Variants in TECRL observed in about 807,000 individuals in gnomAD.
TECRL encodes trans-2,3-enoyl-CoA reductase-like.
In TECRL, 63 loss-of-function variants were observed where a neutral mutation model predicts 52.8. The observed-to-expected ratio is 1.19, with a 90% CI of 0.97 to 1.47. TECRL has a LOEUF of 1.47. Among genes scored for constraint, TECRL ranks in the 40% most tolerant of loss-of-function variants. The pLI, the probability that TECRL is intolerant of heterozygous loss-of-function variation, is 0.00. For missense variants in TECRL, 482 were observed against 429.6 expected, an observed-to-expected ratio of 1.12 and a Z score of -1.08; for synonymous variants, 164 against 141.9, an observed-to-expected ratio of 1.16 and a Z score of -1.10.
intron 4 of TECRL, among the ~76,000 whole-genome samples, chr4:64,316,358 G>C (rs1345443012): frequency 6.6e-6 from 1 of 151,964 alleles, no homozygotes; most frequent in Non-Finnish European, 1.5e-5. Flanking sequence ...GTTTTAGAAG[G>C]CTTAATATTT....
At chr4:64,334,570 C>A (rs1436542364) in intron 2 of TECRL, among the ~76,000 whole-genome samples, 1 of 152,134 alleles carries the variant, frequency 6.6e-6, no homozygotes, top group African/African-American at 2.4e-5. Flanking sequence ...ATTTTGCTGA[C>A]CTTGAAAAAC....
At chr4:64,374,025 CATATATATATATG>C (rs1722171094) in intron 2 of TECRL, among the ~76,000 whole-genome samples, 1 of 52,042 alleles carries the variant, frequency 1.9e-5, no homozygotes, top group African/African-American at 6.8e-5. Flanking sequence ...ATAGTAGATA[CATATATATATATG>C]TATATAGTAG....
intron 5 of TECRL, among the ~76,000 whole-genome samples, chr4:64,313,531 G>C (rs1717225950): frequency 2.1e-5 from 3 of 141,614 alleles, no homozygotes; most frequent in South Asian, 4.5e-4. Context: ...CCCCAGGCCG[G>C]AGTGCAGTGG....
intron 2 of TECRL, among the ~76,000 whole-genome samples, chr4:64,339,043 A>T (rs941865988): frequency 6.6e-6 from 1 of 152,006 alleles, no homozygotes; most frequent in Non-Finnish European, 1.5e-5. Context: ...CAAATGTCCA[A>T]CAATGATAGA....
intron 2 of TECRL, among the ~76,000 whole-genome samples, chr4:64,362,787 A>G (rs2109621144): frequency 6.6e-6 from 1 of 152,238 alleles, no homozygotes; most frequent in East Asian, 1.9e-4. Flanking sequence ...ACAAGTGTAC[A>G]ATCAAGTGTA....
intron 2 of TECRL, among the ~76,000 whole-genome samples, chr4:64,369,115 A>T (rs919838816): frequency 3.3e-5 from 5 of 152,164 alleles, no homozygotes; most frequent in African/African-American, 7.2e-5. Context: ...CTAATAGATA[A>T]CACGAAAGTC....
chr4:64,350,920 T>A (rs892813805), intron 2 of TECRL, among the ~76,000 whole-genome samples: 8 of 149,938 alleles, frequency 5.3e-5, no homozygotes, highest in Non-Finnish European at 1.2e-4. Flanking sequence ...AACTAATCAG[T>A]TTCAATAGTT....
intron 2 of TECRL, among the ~76,000 whole-genome samples, chr4:64,368,907 G>A (rs918153934): frequency 6.6e-6 from 1 of 152,016 alleles, no homozygotes; most frequent in Non-Finnish European, 1.5e-5. Flanking sequence ...GTATCCCCCA[G>A]CATTTTGGCA....
At chr4:64,281,229 T>G in intron 10 of TECRL, 143 bp from the exon 11 acceptor site, 1 of 584,676 alleles carries the variant, frequency 1.7e-6, no homozygotes, top group Non-Finnish European at 2.9e-6. Flanking sequence ...AATAATTTAA[T>G]TTTTACATAT....
chr4:64,384,189 G>C (rs1723015108), intron 1 of TECRL, among the ~76,000 whole-genome samples: 1 of 152,062 alleles, frequency 6.6e-6, no homozygotes, highest in Admixed American at 6.6e-5. Context: ...TATATTCCAG[G>C]TAGGATGATT....
downstream of TECRL, among the ~76,000 whole-genome samples, chr4:64,277,252 T>C (rs1405749276): frequency 2.0e-5 from 3 of 151,860 alleles, no homozygotes; most frequent in Admixed American, 1.3e-4. Context: ...CTTCTTCTAG[T>C]CCTACAAGAA....
At chr4:64,363,772 T>C (rs1038708515) in intron 2 of TECRL, among the ~76,000 whole-genome samples, 1 of 152,176 alleles carries the variant, frequency 6.6e-6, no homozygotes, top group Non-Finnish European at 1.5e-5. Flanking sequence ...GTACATTGAT[T>C]TCTTTATTAT....
At chr4:64,336,995 G>A (rs1279697755) in intron 2 of TECRL, among the ~76,000 whole-genome samples, 1 of 152,086 alleles carries the variant, frequency 6.6e-6, no homozygotes. Flanking sequence ...TTGATTTGGG[G>A]TGGAGAGTTC....
At chr4:64,349,135 G>GTT (rs773341193) in intron 2 of TECRL, among the ~76,000 whole-genome samples, 3 of 30,816 alleles carry the variant, frequency 9.7e-5, no homozygotes, top group Admixed American at 4.2e-4. Flanking sequence ...TATAAAAAAC[G>GTT]TTTTTTTTTT....
At chr4:64,338,853 A>G (rs1719329609) in intron 2 of TECRL, among the ~76,000 whole-genome samples, 1 of 152,208 alleles carries the variant, frequency 6.6e-6, no homozygotes, top group African/African-American at 2.4e-5. Flanking sequence ...AACTAGTTCA[A>G]CCATTGTGGA....
At position 64,278,408 on chromosome 4, in the gene TECRL, C is replaced by T. The variant is rs747471236; in HGVS notation, c.*1664G>A. The T allele has an allele frequency of 2.9e-5, 7 of 244,912 alleles. No individual in the cohort carries two copies. The highest frequency in any genetic ancestry group is 4.6e-5 in the Non-Finnish European group (7 of 153,510). The allele number at this position is 244,912 out of a possible 1,614,324, so 15.2% of individuals were successfully genotyped here. A position where few individuals can be genotyped will look rare whatever the true frequency, so the allele number is the denominator to read the frequency against. ...AAATTATTGTCAAAATAATGAGATT[C>T]AAGTAATTTAAATGTCAAAACTTTA... is the stretch of plus-strand genomic sequence containing the variant. On this transcript the variant is annotated 3_prime_UTR_variant, in exon 12 of 12. Coordinates refer to ENST00000381210, the MANE Select transcript of TECRL (RefSeq NM_001010874.5).
In TECRL at chr4:64,408,799, A is replaced by T. The variant is rs1229174542; in HGVS notation, c.234+319T>A. Among the ~76,000 whole-genome samples the T allele has an allele frequency of 2.0e-5, 3 of 152,132 alleles. No individual in the cohort carries two copies. In the East Asian group the frequency reaches 5.8e-4, roughly 29 times the overall value. ...GAAGACAAAAACCTGGAGACATTTT[A>T]CATGTAGGAAAATAGGTTGAGCATT... On this transcript the variant is annotated intron_variant, in intron 1 of 11. Transcript: ENST00000381210.
Position 64,368,219 on chromosome 4 carries a change from G to A in TECRL, c.286+6953C>T, listed in dbSNP as rs184490147. Among the ~76,000 whole-genome samples the A allele has an allele frequency of 2.0e-3, 299 of 148,478 alleles. 2 individuals carry two copies. Among genetic ancestry groups the A allele is most frequent in the African/African-American group, 7.4e-3 (281 of 38,064 alleles). The stretch of plus-strand genomic sequence containing the variant: ...CAAAAAATGAATTCATGAATAATTT[G>A]GCAAATTACCCTATTTCTCCATCTA... On this transcript the variant is annotated intron_variant, in intron 2 of 11. Coordinates refer to ENST00000381210, the MANE Select transcript of TECRL (RefSeq NM_001010874.5).
chr4:64,384,606 T>C (rs1723045979), intron 1 of TECRL, among the ~76,000 whole-genome samples: 1 of 152,068 alleles, frequency 6.6e-6, no homozygotes, highest in African/African-American at 2.4e-5. Context: ...TGGTAGTGGA[T>C]GGAGGGGTCA....
Sources: gnomAD v4.1 joint callset for allele counts (sites outside exome capture counted in the v4.1 genomes callset) on GRCh38, gnomAD v4.1.1 for gene constraint, MANE v1.5 for transcripts, NCBI Gene and HGNC (gene_info 2026-07-23, HGNC 2026-07-21) for gene names.